BMS1: variants seen among roughly 807,000 people sequenced by gnomAD.
The protein encoded by BMS1 is ribosome biogenesis protein BMS1 homolog.
A neutral mutation model predicts 138.7 loss-of-function variants in BMS1; 53 were observed. That is an observed-to-expected ratio of 0.38 (90% CI 0.31 to 0.48). The LOEUF is 0.48. BMS1 is among the 20% of genes least tolerant of loss of function. The pLI is 0.97. For missense variants in BMS1, 1,360 were observed against 1,565.5 expected (o/e 0.87, Z 2.22); for synonymous variants, 504 against 539.9 (o/e 0.93, Z 0.92).
At chr10:42,796,375 A>G in intron 9 of BMS1, 99 bp from the exon 10 acceptor site, 1 of 1,303,682 alleles carries the variant, frequency 7.7e-7, no homozygotes, top group Non-Finnish European at 1.0e-6. Flanking sequence ...ATTCCTTGAC[A>G]TTTTCTATTT....
At chr10:42,823,991 C>T (rs534253110) in intron 21 of BMS1, among the ~76,000 whole-genome samples, 17 of 152,134 alleles carry the variant, frequency 1.1e-4, no homozygotes, top group Non-Finnish European at 1.2e-4. Context: ...GGATTGAAGA[C>T]AAACTTTTCT....
intron 11 of BMS1, among the ~76,000 whole-genome samples, 178 bp downstream of exon 11, chr10:42,797,701 A>T (rs991365236): frequency 6.6e-6 from 1 of 152,238 alleles, no homozygotes; most frequent in African/African-American, 2.4e-5. Flanking sequence ...GGTCTTATAA[A>T]GTAGACTTAT....
intron 13 of BMS1, among the ~76,000 whole-genome samples, chr10:42,811,911 T>G (rs1040238223): frequency 5.3e-5 from 8 of 152,192 alleles, no homozygotes; most frequent in Non-Finnish European, 8.8e-5. Context: ...AATTATCAAG[T>G]ATTTAGAGAG....
chr10:42,800,877 G>C (rs1266635347), intron 12 of BMS1, among the ~76,000 whole-genome samples: 2 of 152,128 alleles, frequency 1.3e-5, no homozygotes, highest in Non-Finnish European at 1.5e-5. Context: ...AAGGATACTT[G>C]TTTGTAAGTT....
At chr10:42,829,622 G>A (rs1454703188) in intron 21 of BMS1, among the ~76,000 whole-genome samples, 1 of 152,048 alleles carries the variant, frequency 6.6e-6, no homozygotes, top group South Asian at 2.1e-4. Flanking sequence ...AAGATTTCAA[G>A]ACCAGCATGA....
chr10:42,811,587 G>C (rs1242876243), intron 13 of BMS1, among the ~76,000 whole-genome samples: 2 of 133,208 alleles, frequency 1.5e-5, no homozygotes, highest in Non-Finnish European at 3.2e-5. Flanking sequence ...TGCAGTGGCG[G>C]GATCTCGGCT....
chr10:42,783,620 C>G (rs1841233323), intron 1 of BMS1, among the ~76,000 whole-genome samples: 1 of 151,904 alleles, frequency 6.6e-6, no homozygotes, highest in Non-Finnish European at 1.5e-5. Flanking sequence ...AAATAACTCA[C>G]TAATTCAGTG....
intron 13 of BMS1, among the ~76,000 whole-genome samples, chr10:42,815,305 C>T (rs1193401633): frequency 1.3e-5 from 2 of 152,168 alleles, no homozygotes; most frequent in Non-Finnish European, 2.9e-5. Context: ...GTGTGGAGAG[C>T]ACCGATGAGT....
rs995535184 is a variant in BMS1 at position 42,831,292 on chromosome 10, G to A, written c.*196G>A. On this transcript the variant is annotated 3_prime_UTR_variant, in exon 23 of 23. Coordinates refer to ENST00000374518, the MANE Select transcript of BMS1 (RefSeq NM_014753.4). Reference sequence around the variant, plus strand: ...TTCATTCTCATGACTTGGGGCTGTCGAGATTTAAAGTGATGTAAGCTGTGG... The same window carrying A: ...TTCATTCTCATGACTTGGGGCTGTCAAGATTTAAAGTGATGTAAGCTGTGG... 1.2e-5 allele frequency: 7 copies of A among 588,732 alleles called. No individual in the cohort carries two copies. Among genetic ancestry groups the A allele is most frequent in the African/African-American group, 1.1e-4 (6 of 53,682 alleles). 36.5% of individuals were successfully genotyped at this position (588,732 alleles called of 1,614,324 possible).
intron 2 of BMS1, among the ~76,000 whole-genome samples, chr10:42,784,783 G>A (rs1354813648): frequency 3.3e-5 from 5 of 152,154 alleles, no homozygotes; most frequent in African/African-American, 4.8e-5. Flanking sequence ...TTATTGCCCA[G>A]GATACAAGAA....
At chr10:42,830,543 G>T (rs1422531718) in intron 22 of BMS1, 121 bp downstream of exon 22, 9 of 1,329,610 alleles carry the variant, frequency 6.8e-6, no homozygotes, top group Non-Finnish European at 9.2e-6. Flanking sequence ...AAAGTCAGAG[G>T]AAGAGCCAGA....
chr10:42,792,857 T>TTAAG, intron 7 of BMS1, 100 bp from the exon 8 acceptor site: 1 of 1,403,760 alleles, frequency 7.1e-7, no homozygotes. Flanking sequence ...GTGTTATGGG[T>TTAAG]TAAGCCCTTG....
At chr10:42,827,397 A>T (rs1284720348) in intron 21 of BMS1, among the ~76,000 whole-genome samples, 1 of 152,208 alleles carries the variant, frequency 6.6e-6, no homozygotes, top group East Asian at 1.9e-4. Context: ...ACAGTGGCCC[A>T]CCGGCCACTA....
rs1357674212 is a variant in BMS1 at position 42,796,927 on chromosome 10, G to C, written c.1683G>C (p.Val561=). Residue 561 remains valine, a synonymous_variant, in exon 10 of 23, where the codon GTG becomes GTC. Coordinates refer to ENST00000374518, the MANE Select transcript of BMS1 (RefSeq NM_014753.4). ...CAGCTAATTGCCAGAGTGACCGTGTGAATCTGGAGAAGTCTTTGCTGATGA... is the reference window on the plus strand; with the variant it reads ...CAGCTAATTGCCAGAGTGACCGTGTCAATCTGGAGAAGTCTTTGCTGATGA... ...LSPANCQSDR[V]NLEKSLLMKK... is the part of the protein sequence containing the mutation. The C allele has an allele frequency of 8.7e-6, 14 of 1,614,096 alleles. No individual in the cohort carries two copies. Among genetic ancestry groups the C allele is most frequent in the Non-Finnish European group, 1.1e-5 (13 of 1,180,046 alleles).
In BMS1 at chr10:42,792,483, A is replaced by G; in HGVS notation, c.780-10A>G. The G allele has an allele frequency of 4.3e-6, 7 of 1,610,266 alleles. No homozygotes were observed. Among genetic ancestry groups the G allele is most frequent in the Non-Finnish European group, 5.9e-6 (7 of 1,179,280 alleles). ...ATTCATTTCTGCTGTGATTGAATTT[A>G]TTTTTCTAGGATGGAAGATTTGACA... On this transcript the variant is annotated splice_polypyrimidine_tract_variant and intron_variant, in intron 6 of 22. Coordinates refer to ENST00000374518, the MANE Select transcript of BMS1 (RefSeq NM_014753.4).
chr10:42,809,647 T>C (rs1271287498), intron 13 of BMS1, among the ~76,000 whole-genome samples: 3 of 152,216 alleles, frequency 2.0e-5, no homozygotes, highest in Admixed American at 6.5e-5. Flanking sequence ...GTGGACTTCC[T>C]ATGTTGTTCC....
At chr10:42,802,078 A>C in intron 12 of BMS1, 59 bp from the exon 13 acceptor site, 1 of 1,360,694 alleles carries the variant, frequency 7.3e-7, no homozygotes. Flanking sequence ...GCCATTTCTT[A>C]GAGTTGTTTT....
In BMS1 at chr10:42,820,283, G is replaced by A. The variant is rs545638480; in HGVS notation, c.2628G>A (p.Gln876=). The A allele has an allele frequency of 6.2e-7, 1 of 1,613,430 alleles. No homozygotes were observed. The highest frequency in any genetic ancestry group is 1.3e-5 in the African/African-American group (1 of 74,904). Residue 876 remains glutamine, a synonymous_variant, in exon 16 of 23, where the codon CAG becomes CAA. Transcript: ENST00000374518. ...ATCAAGATGATGAAGCCAGAGTTCA[G>A]TATGAGGGTTTTCGACCTGGGATGT... ...FEDQDDEARV[Q]YEGFRPGMYV...
At chr10:42,818,863 G>A (rs1842424293) in intron 15 of BMS1, among the ~76,000 whole-genome samples, 1 of 152,192 alleles carries the variant, frequency 6.6e-6, no homozygotes. Context: ...GCCTAGGAGG[G>A]AGAAGCAGTG....
Sources: allele counts gnomAD v4.1 joint callset (sites outside exome capture counted in the v4.1 genomes callset), GRCh38; gene constraint gnomAD v4.1.1; transcripts MANE v1.5; gene names NCBI Gene and HGNC (gene_info 2026-07-23, HGNC 2026-07-21).